The following MARK1 variants were observed in gnomAD, a reference collection of about 807,000 sequenced individuals.
The protein encoded by MARK1 is microtubule affinity regulating kinase 1.
MARK1 carries 40 observed loss-of-function variants against 96.3 expected under a neutral mutation model. The ratio of observed to expected loss-of-function variants is 0.42; its 90% confidence interval spans 0.32 to 0.54. The LOEUF is 0.54. Among genes scored for constraint, MARK1 ranks in the 20% least tolerant of loss-of-function variants. The pLI is 0.16. For missense variants in MARK1, 719 were observed against 984.6 expected (o/e 0.73, Z 3.61); for synonymous variants, 317 against 341.2 (o/e 0.93, Z 0.78).
chr1:220,660,654 ATC>A (rs1669427977), intron 17 of MARK1, among the ~76,000 whole-genome samples: 1 of 152,196 alleles, frequency 6.6e-6, no homozygotes, highest in African/African-American at 2.4e-5. Context: ...ATCACGAATA[ATC>A]TATTAACTTT....
chr1:220,598,223 C>G (rs1482120556), intron 3 of MARK1, 108 bp from the exon 4 acceptor site: 2 of 390,788 alleles, frequency 5.1e-6, no homozygotes, highest in Non-Finnish European at 1.0e-5. Flanking sequence ...TGCCAGAATC[C>G]TGTAGCATTT....
chr1:220,533,421 A>G (rs1262930986), intron 1 of MARK1, among the ~76,000 whole-genome samples: 1 of 152,088 alleles, frequency 6.6e-6, no homozygotes, highest in East Asian at 1.9e-4. Context: ...CATGATTTTA[A>G]AGTTATTATT....
intron 17 of MARK1, among the ~76,000 whole-genome samples, chr1:220,659,401 T>G (rs1014579117): frequency 7.2e-5 from 11 of 152,188 alleles, no homozygotes; most frequent in Non-Finnish European, 1.3e-4. Context: ...CCAGAGTGCA[T>G]GGGTTTCAGC....
chr1:220,587,363 C>G (rs974405724), intron 3 of MARK1, among the ~76,000 whole-genome samples: 24 of 148,404 alleles, frequency 1.6e-4, no homozygotes, highest in African/African-American at 5.9e-4. Flanking sequence ...GTCTCTCTCT[C>G]TGTCTTTCTT....
chr1:220,610,248 C>A (rs1355596758), intron 6 of MARK1, among the ~76,000 whole-genome samples: 1 of 152,162 alleles, frequency 6.6e-6, no homozygotes, highest in East Asian at 1.9e-4. Flanking sequence ...TTGTTCATTT[C>A]TTTCTACTCT....
intron 1 of MARK1, among the ~76,000 whole-genome samples, chr1:220,548,219 CT>C (rs1189846583): frequency 1.3e-5 from 2 of 152,180 alleles, no homozygotes; most frequent in East Asian, 3.9e-4. Flanking sequence ...TGGTGAACAT[CT>C]GAAGTATATC....
intron 1 of MARK1, among the ~76,000 whole-genome samples, chr1:220,560,735 A>G (rs867393808): frequency 1.3e-5 from 2 of 152,158 alleles, no homozygotes; most frequent in Non-Finnish European, 2.9e-5. Flanking sequence ...CACAATTTAA[A>G]ATGTATGAAT....
At chr1:220,529,025 C>G (rs931371112) in intron 1 of MARK1, 152 bp downstream of exon 1, 2 of 694,748 alleles carry the variant, frequency 2.9e-6, no homozygotes, top group African/African-American at 1.9e-5. Flanking sequence ...ACCCACTGCT[C>G]AGCCCTATTC....
chr1:220,586,022 CGCAGAG>C (rs1664600536), intron 3 of MARK1, among the ~76,000 whole-genome samples: 1 of 150,190 alleles, frequency 6.7e-6, no homozygotes, highest in African/African-American at 2.5e-5. Context: ...CGCGCGCGTG[CGCAGAG>C]AGAGAGAGTT....
intron 3 of MARK1, among the ~76,000 whole-genome samples, chr1:220,594,785 G>A (rs1445692839): frequency 6.6e-6 from 1 of 152,182 alleles, no homozygotes; most frequent in East Asian, 1.9e-4. Flanking sequence ...GCTACATGCT[G>A]TATGATTTCA....
chr1:220,628,119 TTCAC>T (rs1444798586), intron 9 of MARK1: 2 of 152,258 alleles, frequency 1.3e-5, no homozygotes, highest in Non-Finnish European at 2.9e-5. Flanking sequence ...TGTTGAAGAC[TTCAC>T]TCACTCATCT....
intron 1 of MARK1, among the ~76,000 whole-genome samples, chr1:220,547,197 C>G (rs913437961): frequency 6.6e-6 from 1 of 152,100 alleles, no homozygotes; most frequent in Admixed American, 6.5e-5. Context: ...TAAATCATGC[C>G]ATTGATCCTT....
chr1:220,616,027 A>AAAATC, intron 7 of MARK1, 32 bp downstream of exon 7: 1 of 1,191,760 alleles, frequency 8.4e-7, no homozygotes. Context: ...TTTTAAAAAA[A>AAAATC]AAATCGTTAT....
chr1:220,637,822 T>C (rs1158312841), intron 13 of MARK1, among the ~76,000 whole-genome samples: 1 of 149,410 alleles, frequency 6.7e-6, no homozygotes, highest in Non-Finnish European at 1.5e-5. Flanking sequence ...AACCTCAGCC[T>C]GTGGACAGGA....
At chr1:220,548,246 T>C (rs1661631794) in intron 1 of MARK1, among the ~76,000 whole-genome samples, 1 of 152,254 alleles carries the variant, frequency 6.6e-6, no homozygotes, top group East Asian at 1.9e-4. Context: ...GAGGTTCCTC[T>C]ATGTTCATGA....
chr1:220,565,002 T>TG (rs1337564528), intron 1 of MARK1, among the ~76,000 whole-genome samples: 1 of 152,146 alleles, frequency 6.6e-6, no homozygotes, highest in Non-Finnish European at 1.5e-5. Flanking sequence ...AGAAGAAACT[T>TG]GCTTATATTG....
At chr1:220,572,080 A>G (rs1239882170) in intron 1 of MARK1, 1 of 152,242 alleles carries the variant, frequency 6.6e-6, no homozygotes, top group African/African-American at 2.4e-5. Flanking sequence ...AAGACAAGTT[A>G]TCACTCTAAA....
At chr1:220,647,605 G>T (rs1668651221) in intron 13 of MARK1, among the ~76,000 whole-genome samples, 1 of 152,150 alleles carries the variant, frequency 6.6e-6, no homozygotes, top group East Asian at 1.9e-4. Flanking sequence ...TATGTTCATT[G>T]CAGCACTATT....
chr1:220,593,390 C>T (rs1024349745), intron 3 of MARK1, among the ~76,000 whole-genome samples: 1 of 151,944 alleles, frequency 6.6e-6, no homozygotes. Flanking sequence ...TAATAAGCTA[C>T]CGTATTTGAC....
Sources: gnomAD v4.1 joint callset for allele counts (sites outside exome capture counted in the v4.1 genomes callset) on GRCh38, gnomAD v4.1.1 for gene constraint, MANE v1.5 for transcripts, NCBI Gene and HGNC (gene_info 2026-07-23, HGNC 2026-07-21) for gene names.